Variants in FBXW8 observed in about 807,000 individuals in gnomAD.
FBXW8 encodes the protein F-box and WD repeat domain containing 8, also known as F-box/WD repeat-containing protein 8.
FBXW8 carries 57 observed loss-of-function variants against 65.3 expected under a neutral mutation model. The ratio of observed to expected loss-of-function variants is 0.87; its 90% CI spans 0.71 to 1.09. The LOEUF (loss-of-function observed/expected upper bound fraction) is 1.09. Ranked by LOEUF, FBXW8 falls within the 50% of genes least tolerant of loss-of-function variation. The probability of loss-of-function intolerance (pLI) is 0.00; values close to 1 mark genes in which losing one functional copy is unlikely to be tolerated. For missense variants in FBXW8, 777 were observed against 814.8 expected (o/e 0.95, Z 0.57); for synonymous variants, 308 against 330.2 (o/e 0.93, Z 0.73).
At chr12:116,952,705 A>C (rs1293081546) in intron 4 of FBXW8, among the ~76,000 whole-genome samples, 2 of 152,170 alleles carry the variant, frequency 1.3e-5, no homozygotes, top group Non-Finnish European at 2.9e-5. Flanking sequence ...TTTTCTTTCC[A>C]GCAATTTGTA....
In FBXW8 at chr12:116,993,276, G is replaced by A. The variant is rs572345279; in HGVS notation, c.1239+4407G>A. Among the ~76,000 whole-genome samples, 375 of 151,724 alleles carry A rather than the reference G, an allele frequency of 2.5e-3. 3 individuals are homozygous for A. The highest frequency in any genetic ancestry group is 0.021 in the Middle Eastern group (6 of 288). On this transcript the variant is annotated intron_variant, in intron 7 of 10. Transcript: ENST00000652555. ...GTGCCACCACGCCTGGCTAATTTTT[G>A]TATTTTTAGTAGAGACGAAGTTTCA...
At chr12:116,950,841 T>C (rs1416111842) in intron 4 of FBXW8, 3 of 152,212 alleles carry the variant, frequency 2.0e-5, no homozygotes, top group South Asian at 2.1e-4. Context: ...TCAACTGATA[T>C]GCAGCTCCTT....
At position 116,916,462 on chromosome 12, in the gene FBXW8, G is replaced by C. The variant is rs559121492; in HGVS notation, c.318+5107G>C. On this transcript the variant is annotated intron_variant, in intron 1 of 10. Transcript: ENST00000652555. ...CATTGGGAAATACATGCCATGGCTG[G>C]GGTCAGGGTAATAACCACTGCCCCC... is the stretch of plus-strand genomic sequence containing the variant. 1.7e-3 allele frequency among the ~76,000 whole-genome samples: 253 copies of C among 152,320 alleles called. 1 individual carries two copies. The highest frequency in any genetic ancestry group is 5.9e-3 in the African/African-American group (244 of 41,584).
intron 9 of FBXW8, among the ~76,000 whole-genome samples, chr12:117,025,965 C>T (rs117692586): frequency 0.033 from 5,033 of 152,296 alleles, 105 homozygotes; most frequent in Non-Finnish European, 0.051. Context: ...TGTCCCTGTG[C>T]GGTCCAGGCT....
chr12:116,999,791 G>A (rs760511706), intron 7 of FBXW8, among the ~76,000 whole-genome samples: 3 of 152,122 alleles, frequency 2.0e-5, no homozygotes, highest in African/African-American at 4.8e-5. Context: ...CCAGGCCAGC[G>A]CCATCCTCAA....
rs4766815 is a variant in FBXW8, at chr12:116,936,703, G to A, written c.423+8576G>A. Among the ~76,000 whole-genome samples the A allele has an allele frequency of 0.68, 102,872 of 152,098 alleles. 39,719 individuals are homozygous for A. The highest frequency in any genetic ancestry group is 0.84 in the Non-Finnish European group (57,416 of 68,010). On this transcript the variant is annotated intron_variant, in intron 2 of 10. Transcript: ENST00000652555. This position sits in a 1 kb window ranked among gnomAD's most constrained non-coding sequence, Gnocchi z 4.6. ...ACTTCTGGTCTCCGGAACTATAAGC[G>A]AATAAATCTGTATTGTTTTAAGCAG...
rs146834293 is a variant in FBXW8 at position 116,963,496 on chromosome 12, T to G, written c.678-1201T>G. Reference sequence around the variant, plus strand: ...GTGCACGCCTATAATCCCAGCTACTTGGGAGGCTGAGGCAGAAGAATTGCT... The same window carrying G: ...GTGCACGCCTATAATCCCAGCTACTGGGGAGGCTGAGGCAGAAGAATTGCT... On this transcript the variant is annotated intron_variant, in intron 4 of 10. Coordinates refer to ENST00000652555, the MANE Select transcript of FBXW8 (RefSeq NM_153348.3). Among the ~76,000 whole-genome samples, 313 of 152,118 alleles carry G rather than the reference T, an allele frequency of 2.1e-3. 1 individual carries two copies. Among genetic ancestry groups the G allele is most frequent in the African/African-American group, 7.4e-3 (306 of 41,500 alleles).
chr12:117,023,773 C>G (rs1355433588), intron 8 of FBXW8, among the ~76,000 whole-genome samples: 1 of 152,210 alleles, frequency 6.6e-6, no homozygotes, highest in Non-Finnish European at 1.5e-5. Flanking sequence ...TAGCTCTTGC[C>G]TTTAACAGGT....
At chr12:116,982,644 A>T (rs532718272) in intron 5 of FBXW8, among the ~76,000 whole-genome samples, 1 of 148,604 alleles carries the variant, frequency 6.7e-6, no homozygotes, top group African/African-American at 2.5e-5. Context: ...TTTTTTTCCC[A>T]AAAAGACTCT....
chr12:116,923,702 T>TTTAATTAA (rs200279515), intron 1 of FBXW8, among the ~76,000 whole-genome samples: 1 of 148,900 alleles, frequency 6.7e-6, no homozygotes, highest in Non-Finnish European at 1.5e-5. Context: ...TTTTTGTATT[T>TTTAATTAA]TTAATTAATT....
intron 5 of FBXW8, 68 bp downstream of exon 5, chr12:116,964,922 G>A (rs1884221584): frequency 3.3e-6 from 5 of 1,496,950 alleles, no homozygotes; most frequent in Non-Finnish European, 4.5e-6. Context: ...AGCAGCTGTG[G>A]CCGGCTCCCC....
At chr12:117,005,959 C>A (rs1953664125) in intron 7 of FBXW8, among the ~76,000 whole-genome samples, 1 of 152,238 alleles carries the variant, frequency 6.6e-6, no homozygotes, top group Admixed American at 6.5e-5. Flanking sequence ...ACCTCCTAAC[C>A]TTTGGCTCTC....
rs151338590 is a variant in FBXW8, at chr12:116,988,759, G to A, written c.1129G>A (p.Ala377Thr). 152 of 1,614,118 alleles carry A rather than the reference G, an allele frequency of 9.4e-5. No individual in the cohort carries two copies. The highest frequency in any genetic ancestry group is 8.4e-5 in the Non-Finnish European group (99 of 1,180,016). Reference sequence around the variant, plus strand: ...GTACCTGCTCAAAGCCGAAGACTCCGCCAGAACCCTCCTTTACGCCCACGG... The same window carrying A: ...GTACCTGCTCAAAGCCGAAGACTCCACCAGAACCCTCCTTTACGCCCACGG... ...LMYLLKAEDS[A>T]RTLLYAHGPP... is the part of the protein sequence containing the mutation. The change falls in exon 7 of 11, where the codon GCC (alanine) becomes ACC (threonine). Residue 377 changes from alanine (A) to threonine (T), a missense_variant. Ala to Thr is a moderately conservative substitution (Grantham distance 58). Transcript: ENST00000652555.
rs971405494 is a variant in FBXW8, at chr12:117,030,608, A to G, written c.*2436A>G. On this transcript the variant is annotated 3_prime_UTR_variant, in exon 11 of 11. Coordinates refer to ENST00000652555, the MANE Select transcript of FBXW8 (RefSeq NM_153348.3). ...GCAGCAATTAAAGATAACGGAGTGT[A>G]AAGTCATTAGACCCAGAATTAGAGC... 3 of 152,240 alleles carry G rather than the reference A, an allele frequency of 2.0e-5. No homozygotes were observed. The highest frequency in any genetic ancestry group is 7.2e-5 in the African/African-American group (3 of 41,472). 9.4% of individuals were successfully genotyped at this position (152,240 alleles called of 1,614,324 possible).
chr12:116,968,358 G>A (rs2137398530), intron 5 of FBXW8, among the ~76,000 whole-genome samples: 1 of 151,934 alleles, frequency 6.6e-6, no homozygotes, highest in South Asian at 2.1e-4. Context: ...TATTCTTATT[G>A]CCCCCTTTTT....
chr12:116,958,549 C>T (rs1033565306), intron 4 of FBXW8, among the ~76,000 whole-genome samples: 1 of 152,162 alleles, frequency 6.6e-6, no homozygotes, highest in African/African-American at 2.4e-5. Flanking sequence ...GGATGAATAC[C>T]ACACACAACC....
intron 7 of FBXW8, among the ~76,000 whole-genome samples, chr12:117,005,732 G>C (rs572247438): frequency 3.9e-4 from 60 of 152,370 alleles, no homozygotes; most frequent in African/African-American, 1.2e-3. Flanking sequence ...CAGCTGGAGT[G>C]GACGGAAAAG....
chr12:116,941,139 C>T (rs74826106), intron 2 of FBXW8, among the ~76,000 whole-genome samples: 3,530 of 152,312 alleles, frequency 0.023, 85 homozygotes, highest in South Asian at 0.058. Flanking sequence ...TTCAGACTGC[C>T]TGTTGTTAGA....
Position 116,973,388 on chromosome 12 carries a change from A to G in FBXW8, c.835+8534A>G, listed in dbSNP as rs144879761. Among the ~76,000 whole-genome samples, 104 of 152,286 alleles carry G rather than the reference A, an allele frequency of 6.8e-4. 1 individual carries two copies. The highest frequency in any genetic ancestry group is 2.4e-3 in the African/African-American group (100 of 41,552). On this transcript the variant is annotated intron_variant, in intron 5 of 10. Transcript: ENST00000652555. ...ATGGTCTCAAAAAATCTCCCCACTA[A>G]ACACTTACTAATTAAAAGGCAGGAA...
Sources: allele counts gnomAD v4.1 joint callset (sites outside exome capture counted in the v4.1 genomes callset), GRCh38; gene constraint gnomAD v4.1.1; non-coding constraint Gnocchi (gnomAD v3.1); transcripts MANE v1.5; gene names NCBI Gene and HGNC (gene_info 2026-07-23, HGNC 2026-07-21).